TPCN1: variants seen among roughly 807,000 people sequenced by gnomAD.
The protein encoded by TPCN1 is two pore segment channel 1, also known as two pore channel protein 1.
TPCN1 carries 52 observed loss-of-function variants against 108.8 expected under a neutral mutation model. The observed-to-expected ratio is 0.48, with a 90% CI of 0.38 to 0.60. The LOEUF is 0.60. Among genes scored for constraint, TPCN1 ranks in the 20% least tolerant of loss-of-function variants. The pLI, the probability that TPCN1 is intolerant of heterozygous loss-of-function variation, is 0.00. For synonymous variants in TPCN1, 446 were observed against 433.7 expected (o/e 1.03, Z -0.35); for missense variants, 806 against 1,072.8 (o/e 0.75, Z 3.47).
intron 3 of TPCN1, among the ~76,000 whole-genome samples, chr12:113,262,296 G>A (rs1363789324): frequency 1.3e-5 from 2 of 151,662 alleles, no homozygotes; most frequent in Non-Finnish European, 2.9e-5. Context: ...TCTAGTTCTA[G>A]CCACTTGTGA....
In TPCN1 at chr12:113,293,329, A is replaced by T. The variant is rs767494401; in HGVS notation, c.2314A>T (p.Met772Leu). Residue 772 changes from methionine (M) to leucine (L), a missense_variant, in exon 27 of 28, where the codon ATG becomes TTG. Met to Leu is a conservative substitution (Grantham distance 15). Transcript: ENST00000335509. Reference sequence around the variant, plus strand: ...GACCAAGAGCGACCTGAGCCTGAAGATGTACCAGGAGGAGATCCAGGTAGG... The same window carrying T: ...GACCAAGAGCGACCTGAGCCTGAAGTTGTACCAGGAGGAGATCCAGGTAGG... ...SRTKSDLSLK[M>L]YQEEIQEWYE... The T allele has an allele frequency of 6.2e-7, 1 of 1,614,058 alleles. No homozygotes were observed. Among genetic ancestry groups the T allele is most frequent in the Non-Finnish European group, 8.5e-7 (1 of 1,180,034 alleles).
intron 2 of TPCN1, among the ~76,000 whole-genome samples, chr12:113,229,637 A>T (rs1593069276): frequency 6.6e-6 from 1 of 152,290 alleles, no homozygotes; most frequent in East Asian, 1.9e-4. Context: ...TACAGGCGTG[A>T]GCCACTACAC....
chr12:113,255,343 G>T (rs1416601182), intron 2 of TPCN1, among the ~76,000 whole-genome samples: 1 of 152,178 alleles, frequency 6.6e-6, no homozygotes, highest in East Asian at 1.9e-4. Flanking sequence ...AAGAAAAGAT[G>T]TGTCAGGTCT....
chr12:113,251,423 A>G (rs1954628951), intron 2 of TPCN1, among the ~76,000 whole-genome samples: 1 of 152,240 alleles, frequency 6.6e-6, no homozygotes, highest in Non-Finnish European at 1.5e-5. Flanking sequence ...TCTAGTTATT[A>G]CAAAGCCCTT....
intron 17 of TPCN1, among the ~76,000 whole-genome samples, 166 bp from the exon 18 acceptor site, chr12:113,285,723 C>T (rs1956051817): frequency 6.6e-6 from 1 of 152,224 alleles, no homozygotes; most frequent in Non-Finnish European, 1.5e-5. Context: ...TAGGCCCTCT[C>T]CTGGAGCACC....
At chr12:113,286,946 T>C in intron 18 of TPCN1, 41 bp from the exon 19 acceptor site, 1 of 1,498,054 alleles carries the variant, frequency 6.7e-7, no homozygotes. Context: ...GCAGGTAGGC[T>C]CAGGGCCACA....
rs556089780 is a variant in TPCN1 at position 113,246,865 on chromosome 12, G to C, written c.113-13503G>C. On this transcript the variant is annotated intron_variant, in intron 2 of 27. Transcript: ENST00000335509. ...TGGAGAGGGCCAGCCCCGGCACACA[G>C]AGGAAGGGGCTGGACTGGGGTGATG... is the stretch of plus-strand genomic sequence containing the variant. 9.4e-4 allele frequency among the ~76,000 whole-genome samples: 143 copies of C among 152,230 alleles called. 1 individual carries two copies. Among genetic ancestry groups the C allele is most frequent in the Non-Finnish European group, 1.8e-3 (125 of 68,036 alleles).
rs1017544864 is a variant in TPCN1, at chr12:113,268,653, G to A, written c.529-89G>A. Reference sequence around the variant, plus strand: ...GAGAAGGCCTCCCGAGGCCAGAGTGGGCACTGCCTCTCCAGCCCCCCGTTC... The same window carrying A: ...GAGAAGGCCTCCCGAGGCCAGAGTGAGCACTGCCTCTCCAGCCCCCCGTTC... On this transcript the variant is annotated intron_variant, in intron 5 of 27. Coordinates refer to ENST00000335509, the MANE Select transcript of TPCN1 (RefSeq NM_017901.6). This position sits in a 1 kb window ranked among gnomAD's most constrained non-coding sequence, Gnocchi z 7.3. 28 of 1,540,784 alleles carry A rather than the reference G, an allele frequency of 1.8e-5. No homozygotes were observed. Among genetic ancestry groups the A allele is most frequent in the Non-Finnish European group, 2.5e-5 (28 of 1,135,748 alleles).
chr12:113,246,252 G>A (rs573092193), intron 2 of TPCN1, among the ~76,000 whole-genome samples: 2 of 152,340 alleles, frequency 1.3e-5, no homozygotes, highest in South Asian at 4.1e-4. Flanking sequence ...GGGAGGTTAA[G>A]GGGCTGGTGC....
Position 113,296,211 on chromosome 12 carries a change from A to C in TPCN1, c.*135A>C. 7.4e-7 allele frequency: 1 copy of C among 1,353,684 alleles called. No individual in the cohort carries two copies. Among genetic ancestry groups the C allele is most frequent in the Non-Finnish European group, 9.9e-7 (1 of 1,013,590 alleles). 83.9% of individuals were successfully genotyped at this position (1,353,684 alleles called of 1,614,324 possible). A position where few individuals can be genotyped will look rare whatever the true frequency, so the allele number is the denominator to read the frequency against. On this transcript the variant is annotated 3_prime_UTR_variant, in exon 28 of 28. Transcript: ENST00000335509. The stretch of plus-strand genomic sequence containing the variant: ...ATATACAGGAAGAAAAAAGACAGAC[A>C]AGATGGGGCTTGGTTTATAACCACC...
intron 2 of TPCN1, among the ~76,000 whole-genome samples, chr12:113,237,852 G>A (rs1432220643): frequency 6.6e-6 from 1 of 152,208 alleles, no homozygotes; most frequent in African/African-American, 2.4e-5. Flanking sequence ...ATGTTTGACT[G>A]TGCCCAGCCC....
intron 19 of TPCN1, chr12:113,287,381 T>A: frequency 4.9e-6 from 2 of 407,872 alleles, no homozygotes; most frequent in Non-Finnish European, 8.9e-6. Context: ...CAGGAGCCCA[T>A]ATGCTCAAGT....
intron 2 of TPCN1, among the ~76,000 whole-genome samples, chr12:113,247,076 G>C (rs1416651937): frequency 6.6e-6 from 1 of 152,188 alleles, no homozygotes; most frequent in Non-Finnish European, 1.5e-5. Flanking sequence ...GTTGGCATTC[G>C]AGGCTGCCCA....
chr12:113,265,167 G>A (rs1033759448), intron 3 of TPCN1, among the ~76,000 whole-genome samples: 1 of 152,156 alleles, frequency 6.6e-6, no homozygotes, highest in Non-Finnish European at 1.5e-5. Context: ...GACTAGGCAG[G>A]GTTATTGGCT....
Position 113,273,315 on chromosome 12 carries a change from T to G in TPCN1, c.842+25T>G. 1 of 1,613,182 alleles carries G rather than the reference T, an allele frequency of 6.2e-7. No homozygotes were observed. Among genetic ancestry groups the G allele is most frequent in the Non-Finnish European group, 8.5e-7 (1 of 1,179,074 alleles). ...AGTAAGTGCAGGCTCTGCCTTGCCT[T>G]TGGTCCTCTGCTGCCGCCCTGGGGT... On this transcript the variant is annotated intron_variant, in intron 9 of 27. Transcript: ENST00000335509. This position sits in a 1 kb window ranked among gnomAD's most constrained non-coding sequence, Gnocchi z 4.0.
In TPCN1 at chr12:113,288,183, G is replaced by T; in HGVS notation, c.1655G>T (p.Arg552Leu). 1 of 1,613,792 alleles carries T rather than the reference G, an allele frequency of 6.2e-7. No homozygotes were observed. Among genetic ancestry groups the T allele is most frequent in the Non-Finnish European group, 8.5e-7 (1 of 1,179,840 alleles). Reference sequence around the variant, plus strand: ...CTCAGGTTGTTTAAGTTGAAGGAGCGCTACCGCAACGTGCTGGACACCATG... The same window carrying T: ...CTCAGGTTGTTTAAGTTGAAGGAGCTCTACCGCAACGTGCTGGACACCATG... ...QLLRLFKLKE[R>L]YRNVLDTMFE... The change falls in exon 20 of 28, where the codon CGC becomes CTC. Residue 552 changes from arginine to leucine, a missense_variant. By Grantham distance (102) the Arg-to-Leu change is moderately radical. Transcript: ENST00000335509. This position sits in a 1 kb window ranked among gnomAD's most constrained non-coding sequence, Gnocchi z 4.8.
chr12:113,287,336 T>C (rs1020606005), intron 19 of TPCN1: 2 of 522,114 alleles, frequency 3.8e-6, no homozygotes, highest in Non-Finnish European at 3.4e-6. Flanking sequence ...CCATGACTCA[T>C]GTGCACCCCA....
chr12:113,260,521 T>C (rs372722159), intron 3 of TPCN1, 29 bp downstream of exon 3: 59 of 1,555,038 alleles, frequency 3.8e-5, no homozygotes, highest in Non-Finnish European at 4.8e-5. Flanking sequence ...GCCCTGGCAG[T>C]TGTCTGCACC....
At chr12:113,287,650 C>G (rs1354190646) in intron 19 of TPCN1, among the ~76,000 whole-genome samples, 2 of 152,364 alleles carry the variant, frequency 1.3e-5, no homozygotes, top group African/African-American at 4.8e-5. Context: ...CCGCCCCATC[C>G]TCTCCCAAGG....
Sources: allele counts gnomAD v4.1 joint callset (sites outside exome capture counted in the v4.1 genomes callset), GRCh38; gene constraint gnomAD v4.1.1; non-coding constraint Gnocchi (gnomAD v3.1); transcripts MANE v1.5; gene names NCBI Gene and HGNC (gene_info 2026-07-23, HGNC 2026-07-21).